The following SH3BP4 variants were observed in gnomAD, a reference collection of about 807,000 sequenced individuals.
SH3BP4 encodes the protein SH3 domain binding protein 4, also known as SH3 domain-binding protein 4.
SH3BP4 carries 33 observed loss-of-function variants against 65.5 expected under a neutral mutation model. That is an observed-to-expected ratio of 0.50 (90% CI 0.38 to 0.67). SH3BP4 has a LOEUF of 0.67. SH3BP4 is among the 30% of genes least tolerant of loss of function. The pLI is 0.00. For synonymous variants in SH3BP4, 552 were observed against 545.5 expected (o/e 1.01, Z -0.17); for missense variants, 1,134 against 1,261.4 (o/e 0.90, Z 1.53).
chr2:234,953,877 G>A (rs1357269697), intron 1 of SH3BP4, among the ~76,000 whole-genome samples: 1 of 151,898 alleles, frequency 6.6e-6, no homozygotes, highest in Non-Finnish European at 1.5e-5. Flanking sequence ...AGCTTGGGAA[G>A]AGGCAGCGCT....
chr2:235,044,485 C>T (rs1452366262), intron 4 of SH3BP4, among the ~76,000 whole-genome samples: 5 of 152,186 alleles, frequency 3.3e-5, no homozygotes, highest in Non-Finnish European at 4.4e-5. Flanking sequence ...TGTGATAGAA[C>T]GGAGTCCACC....
intron 1 of SH3BP4, among the ~76,000 whole-genome samples, chr2:234,985,497 G>T (rs1222960127): frequency 6.6e-6 from 1 of 152,088 alleles, no homozygotes; most frequent in Non-Finnish European, 1.5e-5. Context: ...TGACACTTGT[G>T]CATAAGCATT....
chr2:234,997,232 T>C lies in SH3BP4; in HGVS notation c.-133+1856T>C, dbSNP rs979775136. 6.6e-6 allele frequency among the ~76,000 whole-genome samples: 1 copy of C among 152,208 alleles called. No individual in the cohort carries two copies. Among genetic ancestry groups the C allele is most frequent in the African/African-American group, 2.4e-5 (1 of 41,440 alleles). Reference sequence around the variant, plus strand: ...TAAGCTGATTTTCGTTTTGCCTTGTTTTCCCAGAGGCATACATGTAGTGTT... The same window carrying C: ...TAAGCTGATTTTCGTTTTGCCTTGTCTTCCCAGAGGCATACATGTAGTGTT... On this transcript the variant is annotated intron_variant, in intron 2 of 5. Transcript: ENST00000392011. The surrounding 1 kb of genome is among the most constrained non-coding windows in gnomAD (Gnocchi z 4.2).
In SH3BP4 at chr2:234,977,329, C is replaced by T. The variant is rs2106252326; in HGVS notation, c.-206-17974C>T. On this transcript the variant is annotated intron_variant, in intron 1 of 5. Transcript: ENST00000392011. This position sits in a 1 kb window ranked among gnomAD's most constrained non-coding sequence, Gnocchi z 5.1. ...GTGCGCCATGGCAGCTGGGCCCAGG[C>T]CTCCCAGTTGGGCCGAGGCCCATCT... is the stretch of plus-strand genomic sequence containing the variant. Among the ~76,000 whole-genome samples, 1 of 152,280 alleles carries T rather than the reference C, an allele frequency of 6.6e-6. No homozygotes were observed. The highest frequency in any genetic ancestry group is 1.9e-4 in the East Asian group (1 of 5,166).
At chr2:234,966,581 G>A (rs943697447) in intron 1 of SH3BP4, among the ~76,000 whole-genome samples, 5 of 152,164 alleles carry the variant, frequency 3.3e-5, no homozygotes, top group Non-Finnish European at 5.9e-5. Context: ...GAAATACCAC[G>A]CAGTAAATCT....
chr2:234,989,176 C>A (rs567685096), intron 1 of SH3BP4, among the ~76,000 whole-genome samples: 1 of 152,150 alleles, frequency 6.6e-6, no homozygotes, highest in African/African-American at 2.4e-5. Flanking sequence ...CATGGCCAGG[C>A]CATGAAGTCT....
intron 1 of SH3BP4, among the ~76,000 whole-genome samples, chr2:234,954,581 T>A (rs1692546149): frequency 6.6e-6 from 1 of 152,226 alleles, no homozygotes; most frequent in South Asian, 2.1e-4. Flanking sequence ...AGGACCTTCC[T>A]GGCTTTTCTC....
chr2:234,984,090 A>G (rs909467766), intron 1 of SH3BP4, among the ~76,000 whole-genome samples: 5 of 152,246 alleles, frequency 3.3e-5, no homozygotes, highest in Admixed American at 2.6e-4. Flanking sequence ...GGCTGGGGCC[A>G]CAGAGCCTGA....
Position 234,977,482 on chromosome 2 carries a change from G to A in SH3BP4, c.-206-17821G>A, listed in dbSNP as rs1419576560. 1.3e-5 allele frequency among the ~76,000 whole-genome samples: 2 copies of A among 152,174 alleles called. No homozygotes were observed. Among genetic ancestry groups the A allele is most frequent in the South Asian group, 2.1e-4 (1 of 4,824 alleles). ...TTTTTGCCGAGTGAACTTGAGAACCGGAGCAGAGCTGCAGGGACAATGGTG... is the reference window on the plus strand; with the variant it reads ...TTTTTGCCGAGTGAACTTGAGAACCAGAGCAGAGCTGCAGGGACAATGGTG... On this transcript the variant is annotated intron_variant, in intron 1 of 5. Coordinates refer to ENST00000392011, the MANE Select transcript of SH3BP4 (RefSeq NM_014521.3). The surrounding 1 kb of genome is among the most constrained non-coding windows in gnomAD (Gnocchi z 5.1).
In SH3BP4 at chr2:235,053,611, A is replaced by T. The variant is rs934728544; in HGVS notation, c.2687A>T (p.Tyr896Phe). 2 of 1,614,060 alleles carry T rather than the reference A, an allele frequency of 1.2e-6. No homozygotes were observed. Among genetic ancestry groups the T allele is most frequent in the Admixed American group, 3.3e-5 (2 of 60,018 alleles). ...TCCCAGGCCATGTGGAAGCCTGCGT[A>T]TGACTTCTTACTCACCTGGAGCCAT... ...VDSEAMWKPAYDFLLTWSHQI... is the reference protein window; with the variant it reads ...VDSEAMWKPAFDFLLTWSHQI... Residue 896 changes from tyrosine to phenylalanine, a missense_variant, in exon 6 of 6, where the codon TAT becomes TTT. Tyr to Phe is a conservative substitution (Grantham distance 22). Transcript: ENST00000392011.
chr2:234,977,200 C>T lies in SH3BP4; in HGVS notation c.-206-18103C>T, dbSNP rs192348678. Among the ~76,000 whole-genome samples, 216 of 152,294 alleles carry T rather than the reference C, an allele frequency of 1.4e-3. 1 individual carries two copies. Among genetic ancestry groups the T allele is most frequent in the Middle Eastern group, 6.8e-3 (2 of 294 alleles). On this transcript the variant is annotated intron_variant, in intron 1 of 5. Coordinates refer to ENST00000392011, the MANE Select transcript of SH3BP4 (RefSeq NM_014521.3). The surrounding 1 kb of genome is among the most constrained non-coding windows in gnomAD (Gnocchi z 5.1). ...GGTTCCAGGCCTGACCCTCTGCACC[C>T]GTGTCTGCTTCAGGCAGGTGACACT... is the stretch of plus-strand genomic sequence containing the variant.
chr2:234,969,904 TAC>T (rs760204947), intron 1 of SH3BP4, among the ~76,000 whole-genome samples: 14 of 142,176 alleles, frequency 9.8e-5, no homozygotes, highest in African/African-American at 3.5e-4. Context: ...CACACACACT[TAC>T]ACACACTCTG....
At chr2:235,038,161 C>A (rs1695446781) in intron 3 of SH3BP4, among the ~76,000 whole-genome samples, 1 of 141,850 alleles carries the variant, frequency 7.0e-6, no homozygotes, top group Non-Finnish European at 1.5e-5. Context: ...AAAAGAAACA[C>A]ACATACACAC....
chr2:235,041,434 T>G lies in SH3BP4; in HGVS notation c.665T>G (p.Val222Gly), dbSNP rs766790585. The change falls in exon 4 of 6, where the codon GTC becomes GGC. Residue 222 changes from valine to glycine, a missense_variant. Physicochemically the swap from Val to Gly is moderately radical, Grantham distance 109. Coordinates refer to ENST00000392011, the MANE Select transcript of SH3BP4 (RefSeq NM_014521.3). The surrounding 1 kb of genome is among the most constrained non-coding windows in gnomAD (Gnocchi z 6.0). The part of the protein sequence containing the change: ...STGNIFDELP[V>G]TNGLHAEPPV... Reference sequence around the variant, plus strand: ...GGCAACATCTTCGATGAGCTTCCAGTCACAAACGGACTCCACGCAGAGCCG... The same window carrying G: ...GGCAACATCTTCGATGAGCTTCCAGGCACAAACGGACTCCACGCAGAGCCG... The G allele has an allele frequency of 3.1e-6, 5 of 1,614,112 alleles. No homozygotes were observed. Among genetic ancestry groups the G allele is most frequent in the Non-Finnish European group, 4.2e-6 (5 of 1,180,026 alleles).
At chr2:235,001,806 C>T (rs570461504) in intron 2 of SH3BP4, among the ~76,000 whole-genome samples, 27 of 152,312 alleles carry the variant, frequency 1.8e-4, no homozygotes, top group African/African-American at 6.0e-4. Flanking sequence ...TTCAGTGCTG[C>T]ATTTGAAGAG....
At chr2:235,007,424 G>T (rs1363144406) in intron 2 of SH3BP4, among the ~76,000 whole-genome samples, 1 of 152,154 alleles carries the variant, frequency 6.6e-6, no homozygotes, top group East Asian at 1.9e-4. Context: ...AATGTCTGGA[G>T]ATTTGTGATT....
chr2:235,017,673 C>T (rs1156539727), intron 2 of SH3BP4, among the ~76,000 whole-genome samples: 1 of 152,130 alleles, frequency 6.6e-6, no homozygotes, highest in Non-Finnish European at 1.5e-5. Flanking sequence ...GCTTATCTCT[C>T]CTGCCCTCCA....
intron 1 of SH3BP4, among the ~76,000 whole-genome samples, chr2:234,969,186 A>G (rs1185556998): frequency 6.6e-6 from 1 of 152,230 alleles, no homozygotes; most frequent in Non-Finnish European, 1.5e-5. Flanking sequence ...TGAAGTTGCC[A>G]GTCTTGTTAG....
intron 2 of SH3BP4, among the ~76,000 whole-genome samples, chr2:235,031,318 G>A (rs1695195067): frequency 6.6e-6 from 1 of 152,126 alleles, no homozygotes; most frequent in African/African-American, 2.4e-5. Flanking sequence ...ACTGGTTCAG[G>A]GGAGTGGCCA....
Sources: allele counts gnomAD v4.1 joint callset (sites outside exome capture counted in the v4.1 genomes callset), GRCh38; gene constraint gnomAD v4.1.1; non-coding constraint Gnocchi (gnomAD v3.1); transcripts MANE v1.5; gene names NCBI Gene and HGNC (gene_info 2026-07-23, HGNC 2026-07-21).